CTTNBP2: variants seen among roughly 807,000 people sequenced by gnomAD.
CTTNBP2 encodes cortactin binding protein 2.
In CTTNBP2, 108 loss-of-function variants were observed where a neutral mutation model predicts 156.9. The observed-to-expected ratio is 0.69, with a 90% CI of 0.59 to 0.81. The LOEUF (loss-of-function observed/expected upper bound fraction) is 0.81. Among genes scored for constraint, CTTNBP2 ranks in the 30% least tolerant of loss-of-function variants. The pLI, the probability that CTTNBP2 is intolerant of heterozygous loss-of-function variation, is 0.00. For synonymous variants in CTTNBP2, 767 were observed against 751.8 expected (o/e 1.02, Z -0.33); for missense variants, 1,924 against 2,035.4 (o/e 0.95, Z 1.05).
chr7:117,836,839 T>A (rs1801983017), intron 2 of CTTNBP2, among the ~76,000 whole-genome samples: 1 of 152,124 alleles, frequency 6.6e-6, no homozygotes, highest in Non-Finnish European at 1.5e-5. Flanking sequence ...AAACATCAGA[T>A]CTTGTGAGAC....
intron 1 of CTTNBP2, among the ~76,000 whole-genome samples, chr7:117,864,554 A>G (rs1488463591): frequency 1.3e-5 from 2 of 151,560 alleles, no homozygotes; most frequent in Admixed American, 6.6e-5. Context: ...AGTATTTTAT[A>G]AATATAAAGC....
At chr7:117,784,125 T>C (rs1798571590) in intron 5 of CTTNBP2, 126 bp downstream of exon 5, 4 of 634,214 alleles carry the variant, frequency 6.3e-6, no homozygotes, top group Non-Finnish European at 1.0e-5. Context: ...TTAAAAAAAC[T>C]ATCCATTACC....
intron 8 of CTTNBP2, among the ~76,000 whole-genome samples, chr7:117,775,596 T>C (rs78903734): frequency 6.8e-6 from 1 of 146,652 alleles, no homozygotes; most frequent in East Asian, 1.9e-4. Context: ...TTTTTTTTTT[T>C]GCCTCTAGGC....
chr7:117,770,231 T>A (rs562196253), intron 8 of CTTNBP2, among the ~76,000 whole-genome samples: 1 of 152,324 alleles, frequency 6.6e-6, no homozygotes, highest in South Asian at 2.1e-4. Flanking sequence ...AAGTTTGCAA[T>A]ACTCCTGAAC....
Position 117,868,573 on chromosome 7 carries a change from T to C in CTTNBP2, c.81+4762A>G, listed in dbSNP as rs142436325. Among the ~76,000 whole-genome samples, 10 of 152,342 alleles carry C rather than the reference T, an allele frequency of 6.6e-5. No individual in the cohort carries two copies. The East Asian group carries it at 1.2e-3, about 18-fold the overall frequency. On this transcript the variant is annotated intron_variant, in intron 1 of 22. Transcript: ENST00000160373. ...ATTAATAATATGATCTCATTATTTG[T>C]GTAAGTTATTTAAAACATTAAAATT... is the stretch of plus-strand genomic sequence containing the variant.
intron 3 of CTTNBP2, among the ~76,000 whole-genome samples, chr7:117,800,932 A>G (rs1373794512): frequency 6.6e-6 from 1 of 152,164 alleles, no homozygotes; most frequent in African/African-American, 2.4e-5. Flanking sequence ...ATTAAAGAAA[A>G]CACAAAATGA....
intron 1 of CTTNBP2, 149 bp downstream of exon 1, chr7:117,873,186 G>A (rs1402024384): frequency 1.9e-5 from 11 of 568,668 alleles, no homozygotes; most frequent in Non-Finnish European, 2.9e-5. Context: ...TGGGCATCCC[G>A]AGGAAGGGGG....
chr7:117,763,444 T>C (rs536087610), intron 9 of CTTNBP2, among the ~76,000 whole-genome samples: 1 of 152,328 alleles, frequency 6.6e-6, no homozygotes, highest in South Asian at 2.1e-4. Flanking sequence ...CAATCGACTC[T>C]TTTTAATCCT....
chr7:117,758,043 C>T (rs1796986254), intron 10 of CTTNBP2, 73 bp from the exon 11 acceptor site: 1 of 1,087,042 alleles, frequency 9.2e-7, no homozygotes, highest in Non-Finnish European at 1.4e-6. Flanking sequence ...TAAACATATG[C>T]TCTCTTCTGT....
chr7:117,741,890 G>A (rs1424142841), intron 14 of CTTNBP2, among the ~76,000 whole-genome samples: 1 of 152,072 alleles, frequency 6.6e-6, no homozygotes, highest in East Asian at 1.9e-4. Context: ...TCTTACATCA[G>A]AAAATTCACC....
chr7:117,753,416 A>C (rs948044456), intron 12 of CTTNBP2, among the ~76,000 whole-genome samples: 1 of 152,198 alleles, frequency 6.6e-6, no homozygotes, highest in Non-Finnish European at 1.5e-5. Flanking sequence ...ATACACCCAA[A>C]GGAATATAAA....
At chr7:117,780,672 A>T (rs1218762264) in intron 6 of CTTNBP2, 81 bp from the exon 7 acceptor site, 1 of 771,384 alleles carries the variant, frequency 1.3e-6, no homozygotes, top group African/African-American at 1.8e-5. Flanking sequence ...TTAAATACAG[A>T]AAAGAAAGCA....
intron 12 of CTTNBP2, among the ~76,000 whole-genome samples, chr7:117,748,878 A>C (rs1335366953): frequency 6.6e-6 from 1 of 152,172 alleles, no homozygotes; most frequent in Non-Finnish European, 1.5e-5. Context: ...GGTTGTTAGG[A>C]GGGATTAGTG....
intron 2 of CTTNBP2, among the ~76,000 whole-genome samples, chr7:117,858,383 C>T (rs1404699735): frequency 7.2e-5 from 11 of 151,978 alleles, no homozygotes; most frequent in Admixed American, 7.2e-4. Flanking sequence ...AAAAAGAAAA[C>T]AAAAAACAAA....
chr7:117,735,070 T>C lies in CTTNBP2; in HGVS notation c.3719A>G (p.His1240Arg), dbSNP rs1795607679. 6.2e-7 allele frequency: 1 copy of C among 1,614,028 alleles called. No homozygotes were observed. The highest frequency in any genetic ancestry group is 8.5e-7 in the Non-Finnish European group (1 of 1,179,926). ...GGTTCCCATCAGAAAGCAGTTCTCA[T>C]GAAAGTAATAACATTCGGACAGTCC... ...GNGLSECYYF[H>R]ENCFLMGTIA... The change falls in exon 16 of 23, where the codon CAT (histidine) becomes CGT (arginine). Residue 1240 changes from histidine to arginine, a missense_variant. Transcript: ENST00000160373.
chr7:117,715,475 T>TAAAAAAAAAAAAAAAAAAAAAA (rs398048025), intron 22 of CTTNBP2, among the ~76,000 whole-genome samples: 1 of 116,392 alleles, frequency 8.6e-6, no homozygotes, highest in African/African-American at 3.9e-5. Flanking sequence ...GCCCTGAAGT[T>TAAAAAAAAAAAAAAAAAAAAAA]AAAAAAAAAA....
chr7:117,785,167 C>G (rs1476735446), intron 4 of CTTNBP2, among the ~76,000 whole-genome samples: 2 of 152,100 alleles, frequency 1.3e-5, no homozygotes, highest in Non-Finnish European at 2.9e-5. Flanking sequence ...GCCTAACAAA[C>G]TTTTAATCAG....
At chr7:117,798,111 T>C (rs1584441255) in intron 3 of CTTNBP2, among the ~76,000 whole-genome samples, 1 of 152,226 alleles carries the variant, frequency 6.6e-6, no homozygotes, top group East Asian at 1.9e-4. Context: ...ATGGTGATAA[T>C]TTTCTCTAAA....
intron 16 of CTTNBP2, among the ~76,000 whole-genome samples, chr7:117,730,647 C>G (rs1317235329): frequency 1.3e-5 from 2 of 152,200 alleles, no homozygotes; most frequent in Admixed American, 1.3e-4. Context: ...CGCTTGTACA[C>G]AGTGACTATT....
Sources: gnomAD v4.1 joint callset for allele counts (sites outside exome capture counted in the v4.1 genomes callset) on GRCh38, gnomAD v4.1.1 for gene constraint, MANE v1.5 for transcripts, NCBI Gene and HGNC (gene_info 2026-07-23, HGNC 2026-07-21) for gene names.